CSRP2: variants seen among roughly 807,000 people sequenced by gnomAD.
CSRP2 encodes the protein cysteine and glycine rich protein 2.
CSRP2 carries 18 observed loss-of-function variants against 24.6 expected under a neutral mutation model. The ratio of observed to expected loss-of-function variants is 0.73; its 90% CI spans 0.51 to 1.09. The LOEUF (loss-of-function observed/expected upper bound fraction) is 1.09. CSRP2 is among the 50% of genes least tolerant of loss of function. The probability of loss-of-function intolerance (pLI) is 0.00; values close to 1 mark genes in which losing one functional copy is unlikely to be tolerated. For synonymous variants in CSRP2, 87 were observed against 84.3 expected (o/e 1.03, Z -0.18); for missense variants, 215 against 239.4 (o/e 0.90, Z 0.67).
intron 2 of CSRP2, 108 bp downstream of exon 2, chr12:76,866,041 C>T: frequency 2.6e-6 from 2 of 781,828 alleles, no homozygotes; most frequent in Admixed American, 2.4e-5. Context: ...ACCATTCGTG[C>T]TTTCAAAATG....
intron 1 of CSRP2, among the ~76,000 whole-genome samples, chr12:76,869,579 C>CACA (rs3223657): frequency 2.0e-4 from 29 of 147,124 alleles, no homozygotes; most frequent in South Asian, 1.9e-3. Flanking sequence ...CACACACACA[C>CACA]CCCTGACTGG....
At chr12:76,864,273 C>G (rs902625956) in intron 2 of CSRP2, 1 of 152,152 alleles carries the variant, frequency 6.6e-6, no homozygotes, top group Non-Finnish European at 1.5e-5. Flanking sequence ...ATTTCTTCCC[C>G]TTATTTAAAA....
At chr12:76,872,788 C>T (rs143272105) in intron 1 of CSRP2, among the ~76,000 whole-genome samples, 164 of 152,252 alleles carry the variant, frequency 1.1e-3, no homozygotes, top group Admixed American at 1.8e-3. Flanking sequence ...GTCTCTGTAC[C>T]GGGGAGCTTC....
At chr12:76,860,250 C>A (rs753715128) in intron 4 of CSRP2, 34 bp downstream of exon 4, 1 of 1,606,040 alleles carries the variant, frequency 6.2e-7, no homozygotes, top group East Asian at 2.2e-5. Context: ...AGAGAGAAGT[C>A]ATTTGCTGTT....
At chr12:76,869,536 A>G (rs1005741056) in intron 1 of CSRP2, among the ~76,000 whole-genome samples, 1 of 94,868 alleles carries the variant, frequency 1.1e-5, no homozygotes, top group Admixed American at 9.7e-5. Context: ...AACAACACAC[A>G]CACACACACA....
At chr12:76,863,620 G>C (rs745636276) in intron 2 of CSRP2, 12 of 318,418 alleles carry the variant, frequency 3.8e-5, no homozygotes, top group African/African-American at 6.4e-5. Context: ...AGTTTGTTTC[G>C]TTTATTTTTT....
intron 1 of CSRP2, among the ~76,000 whole-genome samples, chr12:76,874,225 A>C: frequency 6.6e-6 from 1 of 152,242 alleles, no homozygotes; most frequent in Non-Finnish European, 1.5e-5. Context: ...AATTCAGTCC[A>C]GGTTCTACAA....
At chr12:76,876,228 C>T (rs1245308301) in intron 1 of CSRP2, among the ~76,000 whole-genome samples, 3 of 152,000 alleles carry the variant, frequency 2.0e-5, no homozygotes, top group Admixed American at 1.3e-4. Context: ...TCTTATTAGT[C>T]GAAGACAATA....
chr12:76,875,371 G>A (rs549939971), intron 1 of CSRP2, among the ~76,000 whole-genome samples: 41 of 152,132 alleles, frequency 2.7e-4, no homozygotes, highest in Admixed American at 5.9e-4. Flanking sequence ...GCTACCACTC[G>A]TGTCTTCAAC....
intron 3 of CSRP2, chr12:76,862,971 G>A: frequency 6.8e-7 from 1 of 1,468,748 alleles, no homozygotes; most frequent in Non-Finnish European, 8.9e-7. Flanking sequence ...TATAAAGCCA[G>A]AAGTAGAAAT....
intron 1 of CSRP2, among the ~76,000 whole-genome samples, chr12:76,869,578 A>ACACACACACACACACACACACACC (rs1420575005): frequency 8.6e-5 from 12 of 138,898 alleles, no homozygotes; most frequent in Admixed American, 8.1e-4. Context: ...ACACACACAC[A>ACACACACACACACACACACACACC]CCCCTGACTG....
chr12:76,870,455 A>G (rs1953785324), intron 1 of CSRP2, among the ~76,000 whole-genome samples: 1 of 152,220 alleles, frequency 6.6e-6, no homozygotes, highest in Non-Finnish European at 1.5e-5. Context: ...TCAGCTTTTC[A>G]GGAAATACCT....
At chr12:76,862,901 T>C (rs2047227) in intron 3 of CSRP2, 1 of 1,527,488 alleles carries the variant, frequency 6.5e-7, no homozygotes, top group Non-Finnish European at 8.7e-7. Flanking sequence ...GCTGTGAAAT[T>C]GAAGTAAATA....
chr12:76,867,329 AT>A (rs1201376360), intron 1 of CSRP2, among the ~76,000 whole-genome samples: 21 of 122,548 alleles, frequency 1.7e-4, no homozygotes, highest in African/African-American at 2.2e-4. Context: ...TCTCTGCTAA[AT>A]TTAAAAAAAA....
intron 1 of CSRP2, among the ~76,000 whole-genome samples, chr12:76,867,316 C>A (rs1377419491): frequency 6.8e-6 from 1 of 146,446 alleles, no homozygotes; most frequent in Non-Finnish European, 1.5e-5. Flanking sequence ...TAGCGAAACC[C>A]CGTCTCTGCT....
At chr12:76,871,292 C>A (rs945735563) in intron 1 of CSRP2, among the ~76,000 whole-genome samples, 2 of 152,192 alleles carry the variant, frequency 1.3e-5, no homozygotes, top group Non-Finnish European at 2.9e-5. Context: ...CTCACTCTAT[C>A]CAGCCTGCTA....
intron 5 of CSRP2, 100 bp from the exon 6 acceptor site, chr12:76,859,128 G>T: frequency 1.1e-6 from 1 of 882,612 alleles, no homozygotes. Context: ...TTAAACTGCT[G>T]TGTAAAAGAG....
Position 76,871,620 on chromosome 12 carries a change from C to T in CSRP2, c.-1-5359G>A, listed in dbSNP as rs1396008644. 3.3e-5 allele frequency among the ~76,000 whole-genome samples: 5 copies of T among 151,984 alleles called. No individual in the cohort carries two copies. In the South Asian group the frequency reaches 6.2e-4, roughly 19 times the overall value. ...CCCGTCTCTACTAAAAATACTTAGC[C>T]GGGCGCGGTGGCAGGTGCCTGTAGT... On this transcript the variant is annotated intron_variant, in intron 1 of 5. Transcript: ENST00000311083.
At chr12:76,866,125 G>A in intron 2 of CSRP2, 24 bp downstream of exon 2, 1 of 1,559,700 alleles carries the variant, frequency 6.4e-7, no homozygotes, top group Non-Finnish European at 8.8e-7. Context: ...TTCCGTCAAA[G>A]GTGGAGCATG....
Sources: gnomAD v4.1 joint callset for allele counts (sites outside exome capture counted in the v4.1 genomes callset) on GRCh38, gnomAD v4.1.1 for gene constraint, MANE v1.5 for transcripts, NCBI Gene and HGNC (gene_info 2026-07-23, HGNC 2026-07-21) for gene names.